Variants in RARB observed in about 807,000 individuals in gnomAD.
RARB encodes HBV-activated protein.
A neutral mutation model predicts 51.9 loss-of-function variants in RARB; 17 were observed. That is an observed-to-expected ratio of 0.33 (90% CI 0.22 to 0.49). The LOEUF is 0.49. Ranked by LOEUF, RARB falls within the 20% of genes least tolerant of loss-of-function variation. RARB has a pLI of 0.99. For synonymous variants in RARB, 215 were observed against 195.4 expected (o/e 1.10, Z -0.84); for missense variants, 369 against 550.8 (o/e 0.67, Z 3.30).
chr3:25,476,210 G>A (rs114602400), intron 2 of RARB, among the ~76,000 whole-genome samples: 167 of 152,266 alleles, frequency 1.1e-3, no homozygotes, highest in African/African-American at 3.9e-3. Flanking sequence ...CATACCATGT[G>A]TCTAGAAGAA....
chr3:25,125,415 G>C (rs531862895), intron 3 of RARB, among the ~76,000 whole-genome samples: 5 of 152,168 alleles, frequency 3.3e-5, no homozygotes, highest in African/African-American at 1.2e-4. Flanking sequence ...AGAAGACAGA[G>C]CACAAGCAAA....
At chr3:25,391,131 G>A (rs1005504928) in intron 5 of RARB, among the ~76,000 whole-genome samples, 1 of 152,096 alleles carries the variant, frequency 6.6e-6, no homozygotes, top group East Asian at 1.9e-4. Flanking sequence ...CTACTTATAA[G>A]TGAGAATATA....
intron 1 of RARB, among the ~76,000 whole-genome samples, chr3:24,830,948 G>A (rs1433535907): frequency 1.3e-5 from 2 of 152,114 alleles, no homozygotes; most frequent in African/African-American, 2.4e-5. Flanking sequence ...ACAGGATGGG[G>A]GTGCAATAAG....
At chr3:24,859,378 G>T (rs995723985) in intron 2 of RARB, among the ~76,000 whole-genome samples, 3 of 152,170 alleles carry the variant, frequency 2.0e-5, no homozygotes, top group African/African-American at 7.2e-5. Flanking sequence ...GAAATGTGAA[G>T]TAAGTTTTTA....
chr3:25,023,862 A>G (rs1389008668), intron 2 of RARB, among the ~76,000 whole-genome samples: 1 of 152,186 alleles, frequency 6.6e-6, no homozygotes, highest in Non-Finnish European at 1.5e-5. Context: ...ATGCAGAAAT[A>G]TCTCTAGATG....
intron 5 of RARB, among the ~76,000 whole-genome samples, chr3:25,365,457 A>G (rs558819299): frequency 1.3e-5 from 2 of 151,880 alleles, no homozygotes; most frequent in African/African-American, 4.8e-5. Flanking sequence ...ATATGGTTCT[A>G]TGTTCCAGTT....
intron 3 of RARB, among the ~76,000 whole-genome samples, chr3:25,112,863 G>A (rs1311832420): frequency 6.6e-6 from 1 of 152,184 alleles, no homozygotes; most frequent in Non-Finnish European, 1.5e-5. Context: ...GCAGAGTCAT[G>A]TCAACGTAAT....
intron 5 of RARB, chr3:25,259,211 C>A (rs1559335328): frequency 4.0e-6 from 2 of 498,988 alleles, no homozygotes; most frequent in Non-Finnish European, 5.2e-6. Flanking sequence ...TCGTTTCCAC[C>A]AATGATTAGC....
chr3:24,899,323 G>A (rs530774827), intron 2 of RARB, among the ~76,000 whole-genome samples: 6 of 152,198 alleles, frequency 3.9e-5, no homozygotes, highest in South Asian at 2.1e-4. Flanking sequence ...ATTCTGTGGC[G>A]TATTCACAGG....
intron 5 of RARB, among the ~76,000 whole-genome samples, chr3:25,361,373 A>G (rs886334587): frequency 6.6e-6 from 1 of 152,200 alleles, no homozygotes; most frequent in Non-Finnish European, 1.5e-5. Context: ...CTAGTTAGCA[A>G]TTCCTCTAAC....
chr3:25,533,644 C>A (rs931632429), intron 3 of RARB, among the ~76,000 whole-genome samples: 10 of 152,164 alleles, frequency 6.6e-5, no homozygotes, highest in African/African-American at 2.4e-4. Context: ...TTGTTGCTTT[C>A]ATTCTGCCCA....
intron 2 of RARB, among the ~76,000 whole-genome samples, chr3:24,997,543 A>T (rs535219031): frequency 1.2e-4 from 18 of 151,778 alleles, no homozygotes; most frequent in African/African-American, 3.4e-4. Context: ...TTATTTTTGC[A>T]GTTGGGTGGT....
chr3:24,906,850 A>AC (rs1265490957), intron 2 of RARB, among the ~76,000 whole-genome samples: 1 of 149,626 alleles, frequency 6.7e-6, no homozygotes, highest in Non-Finnish European at 1.5e-5. Flanking sequence ...GTCTCAAAAA[A>AC]AAAAAAAAAA....
At chr3:25,314,285 T>C (rs778987804) in intron 5 of RARB, among the ~76,000 whole-genome samples, 18 of 152,230 alleles carry the variant, frequency 1.2e-4, no homozygotes, top group Non-Finnish European at 2.5e-4. Context: ...CAGTTTTCTA[T>C]AGGAAAAGCA....
At chr3:25,567,773 G>T (rs1559471370) in intron 3 of RARB, among the ~76,000 whole-genome samples, 1 of 152,110 alleles carries the variant, frequency 6.6e-6, no homozygotes, top group Admixed American at 6.5e-5. Flanking sequence ...GCTTAGATTT[G>T]ACTTTTTCAC....
At chr3:25,375,031 C>T (rs1376986098) in intron 5 of RARB, among the ~76,000 whole-genome samples, 3 of 151,764 alleles carry the variant, frequency 2.0e-5, no homozygotes, top group Admixed American at 6.6e-5. Context: ...ATAGCCTTTA[C>T]TGAAAACTTA....
chr3:24,897,300 G>A (rs769559687), intron 2 of RARB, among the ~76,000 whole-genome samples: 6 of 152,082 alleles, frequency 3.9e-5, no homozygotes, highest in Non-Finnish European at 5.9e-5. Context: ...GGAGTAAAAC[G>A]CTCAGGGGTG....
intron 2 of RARB, among the ~76,000 whole-genome samples, chr3:25,029,433 T>C (rs1030704149): frequency 1.3e-5 from 2 of 152,252 alleles, no homozygotes; most frequent in Admixed American, 1.3e-4. Context: ...AACTTGGCTC[T>C]ACTCTGCTTT....
chr3:25,567,848 C>T lies in RARB; in HGVS notation c.449-1910C>T, dbSNP rs138555691. Among the ~76,000 whole-genome samples the T allele has an allele frequency of 3.1e-3, 478 of 152,274 alleles. 1 individual carries two copies. The highest frequency in any genetic ancestry group is 9.6e-3 in the African/African-American group (399 of 41,546). On this transcript the variant is annotated intron_variant, in intron 3 of 7. Transcript: ENST00000330688. Reference sequence around the variant, plus strand: ...GGGGGTCTGATCACCTGAGATCCTGCGCACTCACACACAAGCCTTCAGGCA... The same window carrying T: ...GGGGGTCTGATCACCTGAGATCCTGTGCACTCACACACAAGCCTTCAGGCA...
Sources: gnomAD v4.1 joint callset for allele counts (sites outside exome capture counted in the v4.1 genomes callset) on GRCh38, gnomAD v4.1.1 for gene constraint, MANE v1.5 for transcripts, NCBI Gene and HGNC (gene_info 2026-07-23, HGNC 2026-07-21) for gene names.